TCF7L2: variants seen among roughly 807,000 people sequenced by gnomAD.
TCF7L2 encodes transcription factor 7 like 2, also known as transcription factor 7-like 2.
TCF7L2 carries 23 observed loss-of-function variants against 77.9 expected under a neutral mutation model. The ratio of observed to expected loss-of-function variants is 0.30; its 90% CI spans 0.21 to 0.42. The LOEUF is 0.42. Among genes scored for constraint, TCF7L2 ranks in the 10% least tolerant of loss-of-function variants. TCF7L2 has a pLI of 1.00. For missense variants in TCF7L2, 654 were observed against 793.1 expected, an observed-to-expected ratio of 0.82 and a Z score of 2.11; for synonymous variants, 413 against 340.2, an observed-to-expected ratio of 1.21 and a Z score of -2.36.
intron 5 of TCF7L2, among the ~76,000 whole-genome samples, chr10:113,045,963 T>G (rs890888081): frequency 1.3e-5 from 2 of 152,082 alleles, no homozygotes; most frequent in Admixed American, 1.3e-4. Context: ...AGGAGAACTA[T>G]GAGTACCTAA....
intron 5 of TCF7L2, chr10:113,132,912 C>A (rs1464518255): frequency 1.3e-5 from 2 of 152,120 alleles, no homozygotes; most frequent in Non-Finnish European, 2.9e-5. Context: ...CCTCACTGAC[C>A]TCCAGGTTGA....
intron 4 of TCF7L2, among the ~76,000 whole-genome samples, chr10:113,035,828 C>T (rs2051089513): frequency 6.6e-6 from 1 of 152,168 alleles, no homozygotes; most frequent in Non-Finnish European, 1.5e-5. Flanking sequence ...TGATACAAGA[C>T]ATATACTGAC....
chr10:113,083,389 G>A (rs1294795334), intron 5 of TCF7L2, among the ~76,000 whole-genome samples: 1 of 151,968 alleles, frequency 6.6e-6, no homozygotes, highest in Non-Finnish European at 1.5e-5. Context: ...AAAAAGGATT[G>A]CATACATCTG....
rs1361748642 is a variant in TCF7L2, at chr10:112,992,048, GC to G, written c.450+27425del. Among the ~76,000 whole-genome samples the G allele has an allele frequency of 5.3e-5, 8 of 152,316 alleles. No individual in the cohort carries two copies. In the South Asian group the frequency reaches 1.7e-3, roughly 32 times the overall value. ...AGAGGGTAACCTCATTGGCTACAAAGCATGTCTGAACAAGAGCTCCGTTGTT... is the reference window on the plus strand; with the variant it reads ...AGAGGGTAACCTCATTGGCTACAAAGATGTCTGAACAAGAGCTCCGTTGTT... On this transcript the variant is annotated intron_variant, in intron 4 of 13. Coordinates refer to ENST00000627217, the MANE Select transcript of TCF7L2 (RefSeq NM_001146274.2).
chr10:113,161,825 T>C (rs911508887), intron 13 of TCF7L2, among the ~76,000 whole-genome samples: 4 of 152,104 alleles, frequency 2.6e-5, no homozygotes, highest in African/African-American at 9.7e-5. Flanking sequence ...CAGCACACAT[T>C]AGAGGAGAGA....
At chr10:113,082,858 T>G (rs2059449942) in intron 5 of TCF7L2, among the ~76,000 whole-genome samples, 1 of 151,976 alleles carries the variant, frequency 6.6e-6, no homozygotes, top group Non-Finnish European at 1.5e-5. Flanking sequence ...CCTCATATGC[T>G]GTGTCAAGCT....
At chr10:113,103,701 T>C (rs1158158505) in intron 5 of TCF7L2, among the ~76,000 whole-genome samples, 1 of 152,186 alleles carries the variant, frequency 6.6e-6, no homozygotes. Flanking sequence ...TTCGTACTTA[T>C]TAATGGTATG....
chr10:113,076,347 A>G (rs1383747440), intron 5 of TCF7L2, among the ~76,000 whole-genome samples: 1 of 152,098 alleles, frequency 6.6e-6, no homozygotes, highest in East Asian at 1.9e-4. Flanking sequence ...CCTATTGCCT[A>G]GGCTGGTTTC....
chr10:113,017,411 G>T (rs1033272952), intron 4 of TCF7L2, among the ~76,000 whole-genome samples: 10 of 152,340 alleles, frequency 6.6e-5, no homozygotes, highest in Non-Finnish European at 1.3e-4. Flanking sequence ...CATCCCATGT[G>T]CCCACTTCCT....
At chr10:113,128,298 G>A (rs1377720080) in intron 5 of TCF7L2, among the ~76,000 whole-genome samples, 1 of 152,106 alleles carries the variant, frequency 6.6e-6, no homozygotes, top group African/African-American at 2.4e-5. Flanking sequence ...AAGAAAAGAA[G>A]AAATGAAGAA....
At chr10:113,005,094 A>G (rs1209597170) in intron 4 of TCF7L2, among the ~76,000 whole-genome samples, 2 of 152,198 alleles carry the variant, frequency 1.3e-5, no homozygotes, top group South Asian at 2.1e-4. Context: ...TCCAGACCAT[A>G]GACACATTTC....
intron 4 of TCF7L2, 80 bp downstream of exon 4, chr10:112,964,704 C>T: frequency 1.7e-6 from 2 of 1,179,094 alleles, no homozygotes; most frequent in Admixed American, 3.7e-5. Context: ...CCCCTTCCCC[C>T]AACTGAGATA....
In TCF7L2 at chr10:113,026,318, A is replaced by ATT. The variant is rs567225654; in HGVS notation, c.451-13696_451-13695dup. 2.9e-3 allele frequency among the ~76,000 whole-genome samples: 432 copies of ATT among 147,112 alleles called. 4 individuals are homozygous for ATT. The highest frequency in any genetic ancestry group is 0.01 in the African/African-American group (422 of 40,218). Reference sequence around the variant, plus strand: ...AGATACCCACCACCATGCCTGGCTAATTTTTTTTTTTTAAGTATTTTTAGT... The same window carrying ATT: ...AGATACCCACCACCATGCCTGGCTAATTTTTTTTTTTTTTAAGTATTTTTAGT... On this transcript the variant is annotated intron_variant, in intron 4 of 13. Transcript: ENST00000627217.
At position 113,167,439 on chromosome 10, in the gene TCF7L2, G is replaced by A. The variant is rs1378338262; in HGVS notation, c.*1467G>A. 6 of 224,504 alleles carry A rather than the reference G, an allele frequency of 2.7e-5. No individual in the cohort carries two copies. Among genetic ancestry groups the A allele is most frequent in the Non-Finnish European group, 5.3e-5 (6 of 112,768 alleles). The allele number at this position is 224,504 out of a possible 1,614,324, so 13.9% of individuals were successfully genotyped here. A position where few individuals can be genotyped will look rare whatever the true frequency, so the allele number is the denominator to read the frequency against. ...AGTGCCATTGTAGTTGACATGAAGC[G>A]ATTGTAAAACTGTCTCCGATTTTTC... On this transcript the variant is annotated 3_prime_UTR_variant, in exon 14 of 14. Coordinates refer to ENST00000627217, the MANE Select transcript of TCF7L2 (RefSeq NM_001146274.2).
intron 4 of TCF7L2, among the ~76,000 whole-genome samples, chr10:112,965,184 T>C (rs1228717610): frequency 6.6e-6 from 1 of 152,200 alleles, no homozygotes; most frequent in Non-Finnish European, 1.5e-5. Flanking sequence ...TGGACCTGTC[T>C]ATGTATGACA....
Position 113,166,483 on chromosome 10 carries a change from T to C in TCF7L2, c.*511T>C, listed in dbSNP as rs2074047379. On this transcript the variant is annotated 3_prime_UTR_variant, in exon 14 of 14. Transcript: ENST00000627217. ...TTTTTTTTTCTGTGTGAAACAACTC[T>C]TATTGTGATGTTACTTGTTATTGTT... is the stretch of plus-strand genomic sequence containing the variant. 4.9e-6 allele frequency: 1 copy of C among 205,418 alleles called. No homozygotes were observed. Among genetic ancestry groups the C allele is most frequent in the Non-Finnish European group, 9.8e-6 (1 of 101,750 alleles). The allele number at this position is 205,418 out of a possible 1,614,324, so 12.7% of individuals were successfully genotyped here. A position where few individuals can be genotyped will look rare whatever the true frequency, so the allele number is the denominator to read the frequency against.
intron 5 of TCF7L2, among the ~76,000 whole-genome samples, chr10:113,139,787 T>C (rs935435569): frequency 6.9e-6 from 1 of 145,904 alleles, no homozygotes; most frequent in Non-Finnish European, 1.5e-5. Flanking sequence ...GCTGTTCTTA[T>C]ATTACATTCC....
intron 5 of TCF7L2, among the ~76,000 whole-genome samples, chr10:113,102,504 A>G (rs979164655): frequency 2.7e-5 from 4 of 150,512 alleles, no homozygotes; most frequent in Middle Eastern, 3.4e-3. Context: ...TGCTCACTGC[A>G]ACCTCCACCT....
chr10:113,014,001 A>G (rs1031570738), intron 4 of TCF7L2, among the ~76,000 whole-genome samples: 1 of 152,274 alleles, frequency 6.6e-6, no homozygotes, highest in East Asian at 1.9e-4. Context: ...GTTGGGGGGT[A>G]TTGCCCTGCA....
Sources: allele counts gnomAD v4.1 joint callset (sites outside exome capture counted in the v4.1 genomes callset), GRCh38; gene constraint gnomAD v4.1.1; transcripts MANE v1.5; gene names NCBI Gene and HGNC (gene_info 2026-07-23, HGNC 2026-07-21).